The following DDX11 variants were observed in gnomAD, a reference collection of about 807,000 sequenced individuals.
DDX11 encodes the protein ATP-dependent DNA helicase DDX11.
A neutral mutation model predicts 125.2 loss-of-function variants in DDX11; 72 were observed. The observed-to-expected ratio is 0.58, with a 90% CI of 0.48 to 0.70. DDX11 has a LOEUF of 0.70. DDX11 is among the 30% of genes least tolerant of loss of function. The pLI, the probability that DDX11 is intolerant of heterozygous loss-of-function variation, is 0.00. For missense variants in DDX11, 883 were observed against 1,165.0 expected (o/e 0.76, Z 3.52); for synonymous variants, 347 against 452.6 (o/e 0.77, Z 2.96).
At chr12:31,090,833 G>C (rs1319150175) in intron 9 of DDX11, among the ~76,000 whole-genome samples, 1 of 152,214 alleles carries the variant, frequency 6.6e-6, no homozygotes, top group African/African-American at 2.4e-5. Flanking sequence ...CAGCATACCT[G>C]CTGAGCTGTG....
At chr12:31,092,256 CCTG>C (rs1944378383) in intron 10 of DDX11, among the ~76,000 whole-genome samples, 2 of 152,096 alleles carry the variant, frequency 1.3e-5, no homozygotes, top group East Asian at 3.9e-4. Context: ...GCAGGCTCCT[CCTG>C]CTGCCCTATC....
chr12:31,103,199 C>G, intron 24 of DDX11, 118 bp from the exon 25 acceptor site: 1 of 1,472,480 alleles, frequency 6.8e-7, no homozygotes, highest in South Asian at 1.2e-5. Context: ...ACCTGGACCC[C>G]TGCTGCTGGC....
Position 31,089,035 on chromosome 12 carries a change from C to G in DDX11, c.685-9C>G. The G allele has an allele frequency of 6.2e-7, 1 of 1,613,140 alleles. No individual in the cohort carries two copies. Among genetic ancestry groups the G allele is most frequent in the Non-Finnish European group, 8.5e-7 (1 of 1,179,164 alleles). On this transcript the variant is annotated splice_polypyrimidine_tract_variant and intron_variant, in intron 6 of 26. Transcript: ENST00000542838. Reference sequence around the variant, plus strand: ...CTCTCTTTGAAGCGCCTTTCTTTCTCTCTGCTAGATTTATTACTGTAGTCG... The same window carrying G: ...CTCTCTTTGAAGCGCCTTTCTTTCTGTCTGCTAGATTTATTACTGTAGTCG...
At chr12:31,102,850 G>C in intron 23 of DDX11, 86 bp from the exon 24 acceptor site, 1 of 1,169,528 alleles carries the variant, frequency 8.6e-7, no homozygotes, top group Non-Finnish European at 1.3e-6. Context: ...GCTGAGGGAA[G>C]GGGTAGAACG....
intron 4 of DDX11, 26 bp from the exon 5 acceptor site, chr12:31,084,943 T>C (rs1942802249): frequency 1.9e-6 from 3 of 1,591,040 alleles, no homozygotes; most frequent in Non-Finnish European, 2.6e-6. Context: ...TCTTCCTCCC[T>C]CACCACCTCC....
At position 31,083,946 on chromosome 12, in the gene DDX11, G is replaced by A. The variant is rs911158476; in HGVS notation, c.278G>A (p.Cys93Tyr). Reference protein sequence around the residue: ...PLHDEKDESLCLSSSCEGAAG... With the variant: ...PLHDEKDESLYLSSSCEGAAG... ...CATGATGAGAAAGATGAATCCCTGT[G>A]TCTGTCTTCTTCCTGCGAAGGGGCT... is the stretch of plus-strand genomic sequence containing the variant. Residue 93 changes from cysteine (C) to tyrosine (Y), a missense_variant, in exon 3 of 27, where the codon TGT (cysteine) becomes TAT (tyrosine). Cys to Tyr is a radical substitution (Grantham distance 194, BLOSUM62 -2). Around this residue, in one of 5 missense-constraint regions of DDX11, gnomAD observed 283 missense variants for 359.6 expected, o/e 0.79. Transcript: ENST00000542838. 6 of 1,613,858 alleles carry A rather than the reference G, an allele frequency of 3.7e-6. No individual in the cohort carries two copies. Among genetic ancestry groups the A allele is most frequent in the Non-Finnish European group, 5.1e-6 (6 of 1,179,882 alleles).
chr12:31,080,379 T>G (rs1365547173), intron 2 of DDX11, among the ~76,000 whole-genome samples: 1 of 152,212 alleles, frequency 6.6e-6, no homozygotes, highest in Non-Finnish European at 1.5e-5. Flanking sequence ...ATCTGCCGGT[T>G]GCCTCCAGGG....
At chr12:31,092,797 C>T in intron 10 of DDX11, 49 bp from the exon 11 acceptor site, 1 of 1,577,256 alleles carries the variant, frequency 6.3e-7, no homozygotes, top group Non-Finnish European at 8.7e-7. Context: ...ATGTCAGTAC[C>T]TTAGCCCTCA....
At chr12:31,096,259 A>T (rs1339728804) in intron 14 of DDX11, 82 bp from the exon 15 acceptor site, 2 of 1,465,308 alleles carry the variant, frequency 1.4e-6, no homozygotes, top group Non-Finnish European at 1.9e-6. Context: ...TGGGTGGTAG[A>T]AGTGGTGTTT....
intron 17 of DDX11, among the ~76,000 whole-genome samples, 188 bp from the exon 18 acceptor site, chr12:31,097,697 A>AAAAG (rs1945551379): frequency 6.7e-6 from 1 of 148,180 alleles, no homozygotes; most frequent in Non-Finnish European, 1.5e-5. Context: ...AAAAAAAAAA[A>AAAAG]GGATGGAGAG....
chr12:31,097,137 A>G lies in DDX11; in HGVS notation c.1762+147A>G, dbSNP rs576847154. 1.0e-4 allele frequency: 117 copies of G among 1,157,174 alleles called. No homozygotes were observed. The Admixed American group carries it at 2.2e-3, about 22-fold the overall frequency. 71.7% of individuals were successfully genotyped at this position (1,157,174 alleles called of 1,614,324 possible). A position where few individuals can be genotyped will look rare whatever the true frequency, so the allele number is the denominator to read the frequency against. Reference sequence around the variant, plus strand: ...GTGCAGTGGGCACTGGCCTGCTGTGACCTGGGCAAGCAGTGGAGGTGGATG... The same window carrying G: ...GTGCAGTGGGCACTGGCCTGCTGTGGCCTGGGCAAGCAGTGGAGGTGGATG... On this transcript the variant is annotated intron_variant, in intron 17 of 26. Transcript: ENST00000542838.
Position 31,096,379 on chromosome 12 carries a change from G to A in DDX11, c.1521G>A (p.Lys507=), listed in dbSNP as rs767127169. ...RYCEKSMISR[K]LFGFTERYGA... ...GTGAGAAGAGCATGATCAGCAGAAA[G>A]GTAACTGCTCCCATCTTGTGGTCCT... The change falls in exon 15 of 27, where the codon AAG becomes AAA. Residue 507 remains lysine, a splice_region_variant and synonymous_variant. Transcript: ENST00000542838. 2 of 1,613,074 alleles carry A rather than the reference G, an allele frequency of 1.2e-6. No homozygotes were observed. Among genetic ancestry groups the A allele is most frequent in the Non-Finnish European group, 1.7e-6 (2 of 1,179,826 alleles).
At position 31,097,508 on chromosome 12, in the gene DDX11, G is replaced by A. The variant is rs563828740; in HGVS notation, c.1763-377G>A. 4.0e-3 allele frequency among the ~76,000 whole-genome samples: 593 copies of A among 149,266 alleles called. 4 individuals carry two copies. The highest frequency in any genetic ancestry group is 6.1e-3 in the Non-Finnish European group (409 of 67,506). On this transcript the variant is annotated intron_variant, in intron 17 of 26. Coordinates refer to ENST00000542838, the MANE Select transcript of DDX11 (RefSeq NM_030653.4). ...ATCCTGGCTAACACAGTGAAACCCC[G>A]TCTCTACTAAAAATACAAAAAATTA...
At position 31,084,034 on chromosome 12, in the gene DDX11, A is replaced by C. The variant is rs143603787; in HGVS notation, c.366A>C (p.Glu122Asp). The change falls in exon 3 of 27, where the codon GAA becomes GAC. Residue 122 changes from glutamate to aspartate, a missense_variant. Glu to Asp is a conservative substitution (Grantham distance 45). Transcript: ENST00000542838. ...AWVTQFVQKK[E>D]ERDLVDRLKA... The stretch of plus-strand genomic sequence containing the variant: ...TTACTCAGTTTGTGCAGAAGAAAGA[A>C]GAGAGGGACCTGGTGGACCGACTAA... The C allele has an allele frequency of 5.8e-5, 93 of 1,613,846 alleles. No homozygotes were observed. The highest frequency in any genetic ancestry group is 7.7e-5 in the Non-Finnish European group (91 of 1,179,878).
intron 6 of DDX11, 71 bp downstream of exon 6, chr12:31,088,054 C>G (rs1004794573): frequency 1.6e-5 from 25 of 1,589,052 alleles, no homozygotes; most frequent in Admixed American, 5.4e-5. Context: ...GGGGAGGAGG[C>G]TGGAGTCACT....
At chr12:31,102,784 C>T (rs762099760) in intron 23 of DDX11, 152 bp from the exon 24 acceptor site, 7 of 770,110 alleles carry the variant, frequency 9.1e-6, no homozygotes, top group Non-Finnish European at 1.6e-5. Context: ...AACAAGCCCT[C>T]TCCAGGTGGT....
chr12:31,081,331 G>A (rs1183105030), intron 2 of DDX11, among the ~76,000 whole-genome samples: 1 of 152,232 alleles, frequency 6.6e-6, no homozygotes, highest in Admixed American at 6.5e-5. Context: ...GGGACACCCT[G>A]AGTGGGGTTT....
Position 31,102,248 on chromosome 12 carries a change from C to T in DDX11, c.2208C>T (p.Phe736=). Residue 736 remains phenylalanine, a synonymous_variant, in exon 22 of 27, where the codon TTC becomes TTT. Transcript: ENST00000542838. ...LGRLAARKKI[F]QEPKSAHQVE... is the part of the protein sequence containing the mutation. ...ATGTCCTCTGTCTTTCTCAGATATT[C>T]CAGGAACCTAAGAGCGCACACCAGG... is the stretch of plus-strand genomic sequence containing the variant. 2 of 1,613,908 alleles carry T rather than the reference C, an allele frequency of 1.2e-6. No individual in the cohort carries two copies. The highest frequency in any genetic ancestry group is 2.2e-5 in the East Asian group (1 of 44,886).
At chr12:31,081,612 G>C (rs1433124839) in intron 2 of DDX11, among the ~76,000 whole-genome samples, 1 of 151,462 alleles carries the variant, frequency 6.6e-6, no homozygotes, top group Non-Finnish European at 1.5e-5. Flanking sequence ...TTTTCTAGGG[G>C]CTCTGCACCT....
Sources: gnomAD v4.1 joint callset for allele counts (sites outside exome capture counted in the v4.1 genomes callset) on GRCh38, gnomAD v4.1.1 for gene constraint, gnomAD v4.1.1 regional missense constraint, MANE v1.5 for transcripts, NCBI Gene and HGNC (gene_info 2026-07-23, HGNC 2026-07-21) for gene names.